The following NECAB1 variants were observed in gnomAD, a reference collection of about 807,000 sequenced individuals.
NECAB1 encodes N-terminal EF-hand calcium-binding protein 1.
In NECAB1, 29 loss-of-function variants were observed where a neutral mutation model predicts 57.5. The observed-to-expected ratio is 0.50, with a 90% confidence interval of 0.38 to 0.69. The LOEUF (loss-of-function observed/expected upper bound fraction) is 0.69, where lower values mean the gene tolerates loss of function less well. Among genes scored for constraint, NECAB1 ranks in the 30% least tolerant of loss-of-function variants. NECAB1 has a pLI of 0.00. For missense variants in NECAB1, 372 were observed against 413.8 expected (o/e 0.90, Z 0.88); for synonymous variants, 142 against 147.7 (o/e 0.96, Z 0.28).
chr8:90,868,076 ACTCT>A (rs200872984), intron 3 of NECAB1, among the ~76,000 whole-genome samples: 3 of 134,426 alleles, frequency 2.2e-5, no homozygotes, highest in Admixed American at 8.3e-5. Context: ...TTCCCCCTTC[ACTCT>A]CTCTCTTTCT....
intron 5 of NECAB1, among the ~76,000 whole-genome samples, chr8:90,899,077 A>G (rs1246436648): frequency 9.9e-5 from 15 of 152,226 alleles, no homozygotes; most frequent in Admixed American, 9.8e-4. Context: ...TTGGGCTGGC[A>G]GAGAGCCTCT....
chr8:90,903,549 A>T (rs1367736370), intron 5 of NECAB1, among the ~76,000 whole-genome samples: 2 of 152,158 alleles, frequency 1.3e-5, no homozygotes, highest in African/African-American at 4.8e-5. Flanking sequence ...AAAAGTCAAA[A>T]CTTACCTGTT....
At chr8:90,899,116 G>A (rs979534422) in intron 5 of NECAB1, among the ~76,000 whole-genome samples, 7 of 152,192 alleles carry the variant, frequency 4.6e-5, no homozygotes, top group Admixed American at 3.9e-4. Flanking sequence ...CCAGTGGGAC[G>A]CCCGAGGGCA....
intron 5 of NECAB1, among the ~76,000 whole-genome samples, chr8:90,904,396 C>A (rs1374714136): frequency 2.7e-5 from 4 of 150,926 alleles, no homozygotes; most frequent in African/African-American, 4.9e-5. Flanking sequence ...GAGAAATGAG[C>A]AAGATATAAA....
chr8:90,827,312 G>T (rs1341310575), intron 3 of NECAB1, among the ~76,000 whole-genome samples: 1 of 151,908 alleles, frequency 6.6e-6, no homozygotes, highest in South Asian at 2.1e-4. Context: ...ACATAACCTG[G>T]ACCAAAACAG....
At chr8:90,871,878 A>G (rs1196614130) in intron 3 of NECAB1, among the ~76,000 whole-genome samples, 1 of 152,128 alleles carries the variant, frequency 6.6e-6, no homozygotes, top group Non-Finnish European at 1.5e-5. Flanking sequence ...ACCAATATGC[A>G]TTCTTTTCCC....
intron 3 of NECAB1, among the ~76,000 whole-genome samples, chr8:90,870,312 AGTG>A (rs965292506): frequency 6.6e-6 from 1 of 152,246 alleles, no homozygotes; most frequent in African/African-American, 2.4e-5. Flanking sequence ...GCCTGTTTAA[AGTG>A]CAAATATGAC....
At chr8:90,829,481 T>A (rs2062881) in intron 3 of NECAB1, among the ~76,000 whole-genome samples, 58,595 of 151,818 alleles carry the variant, frequency 0.39, 12,386 homozygotes, top group East Asian at 0.81. Flanking sequence ...ACTTTGGAGT[T>A]CCAGATTGTT....
rs6988811 is a variant in NECAB1, at chr8:90,898,265, A to G, written c.357+17135A>G. Among the ~76,000 whole-genome samples the G allele has an allele frequency of 1.0e-2, 1,517 of 152,194 alleles. 24 individuals are homozygous for G. Among genetic ancestry groups the G allele is most frequent in the African/African-American group, 0.034 (1,425 of 41,518 alleles). ...AAGGCTCACCCCAATGCTCTCTCTCAAGTCTCACCTCCCCTCTTCCATCAC... is the reference window on the plus strand; with the variant it reads ...AAGGCTCACCCCAATGCTCTCTCTCGAGTCTCACCTCCCCTCTTCCATCAC... On this transcript the variant is annotated intron_variant, in intron 5 of 12. Transcript: ENST00000417640.
chr8:90,938,317 T>C (rs570713793), intron 9 of NECAB1, among the ~76,000 whole-genome samples: 1 of 152,266 alleles, frequency 6.6e-6, no homozygotes, highest in African/African-American at 2.4e-5. Flanking sequence ...ACTCCTATAA[T>C]AGAGAAACAA....
intron 3 of NECAB1, among the ~76,000 whole-genome samples, chr8:90,865,303 GC>G (rs1294439342): frequency 1.3e-5 from 2 of 152,030 alleles, no homozygotes; most frequent in African/African-American, 4.8e-5. Context: ...ACCCTAATTT[GC>G]CCCAGAATTA....
At chr8:90,897,150 A>G (rs1809376082) in intron 5 of NECAB1, among the ~76,000 whole-genome samples, 1 of 152,228 alleles carries the variant, frequency 6.6e-6, no homozygotes. Context: ...TACAAGCCAA[A>G]TTATTGGCAA....
intron 2 of NECAB1, among the ~76,000 whole-genome samples, chr8:90,820,713 G>A (rs1404440358): frequency 6.8e-6 from 1 of 147,588 alleles, no homozygotes; most frequent in Non-Finnish European, 1.5e-5. Context: ...CTAGTTTTAA[G>A]ATTTACAAAC....
At chr8:90,797,982 A>G (rs1008916010) in intron 1 of NECAB1, among the ~76,000 whole-genome samples, 2 of 152,150 alleles carry the variant, frequency 1.3e-5, no homozygotes, top group Admixed American at 1.3e-4. Flanking sequence ...TACCCTCCAC[A>G]GTTCTGGAGG....
At position 90,955,691 on chromosome 8, in the gene NECAB1, C is replaced by T; in HGVS notation, c.*179C>T. On this transcript the variant is annotated 3_prime_UTR_variant, in exon 13 of 13. Transcript: ENST00000417640. The stretch of plus-strand genomic sequence containing the variant: ...TTATCAATTCATGTGAATTTTAGCT[C>T]AATTTTCAAAGTTCACTAATATTCT... The T allele has an allele frequency of 2.1e-6, 1 of 478,882 alleles. No individual in the cohort carries two copies. The highest frequency in any genetic ancestry group is 3.6e-6 in the Non-Finnish European group (1 of 274,316). 29.7% of individuals were successfully genotyped at this position (478,882 alleles called of 1,614,324 possible). A position where few individuals can be genotyped will look rare whatever the true frequency, so the allele number is the denominator to read the frequency against.
At chr8:90,907,145 T>TGAGAGAGAGAGA (rs1455170539) in intron 5 of NECAB1, among the ~76,000 whole-genome samples, 76 of 104,210 alleles carry the variant, frequency 7.3e-4, no homozygotes, top group African/African-American at 3.2e-3. Context: ...TGTGTGTGTG[T>TGAGAGAGAGAGA]GTGTGTGAGA....
intron 2 of NECAB1, among the ~76,000 whole-genome samples, chr8:90,809,367 C>G (rs759340876): frequency 6.6e-6 from 1 of 152,234 alleles, no homozygotes; most frequent in South Asian, 2.1e-4. Flanking sequence ...TCACTTCTTG[C>G]TATTTCCAAA....
At chr8:90,825,943 A>G (rs1156472653) in intron 3 of NECAB1, among the ~76,000 whole-genome samples, 1 of 151,858 alleles carries the variant, frequency 6.6e-6, no homozygotes, top group Non-Finnish European at 1.5e-5. Flanking sequence ...AAATAGACCA[A>G]TCAGCTGATC....
chr8:90,820,795 T>A (rs145221336), intron 2 of NECAB1, among the ~76,000 whole-genome samples: 2,746 of 151,836 alleles, frequency 0.018, 32 homozygotes, highest in Middle Eastern at 0.051. Flanking sequence ...ACTCAATAAA[T>A]ATTTTTCAAG....
Sources: allele counts gnomAD v4.1 joint callset (sites outside exome capture counted in the v4.1 genomes callset), GRCh38; gene constraint gnomAD v4.1.1; transcripts MANE v1.5; gene names NCBI Gene and HGNC (gene_info 2026-07-23, HGNC 2026-07-21).